The following CHL1 variants were observed in gnomAD, a reference collection of about 807,000 sequenced individuals.
CHL1 encodes neural cell adhesion molecule L1-like protein.
CHL1 carries 96 observed loss-of-function variants against 141.9 expected under a neutral mutation model. The observed-to-expected ratio is 0.68, with a 90% CI of 0.57 to 0.80. The LOEUF is 0.80. CHL1 is among the 30% of genes least tolerant of loss of function. The pLI is 0.00. For synonymous variants in CHL1, 613 were observed against 502.2 expected, an observed-to-expected ratio of 1.22 and a Z score of -2.95; for missense variants, 1,820 against 1,457.2, an observed-to-expected ratio of 1.25 and a Z score of -4.05.
chr3:399,780 C>A (rs183243526), intron 26 of CHL1, among the ~76,000 whole-genome samples: 1 of 152,296 alleles, frequency 6.6e-6, no homozygotes, highest in East Asian at 1.9e-4. Flanking sequence ...TAAGAAGTGA[C>A]CCATGTATAG....
At chr3:322,693 G>T in intron 3 of CHL1, among the ~76,000 whole-genome samples, 1 of 131,958 alleles carries the variant, frequency 7.6e-6, no homozygotes, top group Admixed American at 7.7e-5. Flanking sequence ...TATATAAAAC[G>T]AATAGCTGGG....
Position 355,252 on chromosome 3 carries a change from T to A in CHL1, c.1165+481T>A, listed in dbSNP as rs77063218. Among the ~76,000 whole-genome samples, 1,176 of 152,238 alleles carry A rather than the reference T, an allele frequency of 7.7e-3. 18 individuals are homozygous for A. Among genetic ancestry groups the A allele is most frequent in the African/African-American group, 0.027 (1,135 of 41,556 alleles). On this transcript the variant is annotated intron_variant, in intron 11 of 27. Coordinates refer to ENST00000256509, the MANE Select transcript of CHL1 (RefSeq NM_006614.4). ...CGCTTGTCTCCATGATTTGAAAGCA[T>A]CCTCAGGGAAAAGGAGGCATCCCAA...
intron 1 of CHL1, among the ~76,000 whole-genome samples, chr3:238,439 C>G (rs1361467160): frequency 6.6e-6 from 1 of 151,700 alleles, no homozygotes; most frequent in Non-Finnish European, 1.5e-5. Flanking sequence ...AAAAAATAGC[C>G]AGTTTTGATC....
chr3:256,247 A>T (rs1459074484), intron 2 of CHL1, among the ~76,000 whole-genome samples: 1 of 152,220 alleles, frequency 6.6e-6, no homozygotes, highest in African/African-American at 2.4e-5. Flanking sequence ...GGTAGTCTGT[A>T]TTCTGGCACT....
intron 11 of CHL1, among the ~76,000 whole-genome samples, chr3:358,218 T>C (rs1703889048): frequency 6.6e-6 from 1 of 152,090 alleles, no homozygotes; most frequent in South Asian, 2.1e-4. Context: ...CATTCCTTCG[T>C]TTGCCTTTTC....
chr3:382,677 C>T lies in CHL1; in HGVS notation c.2176+6C>T. On this transcript the variant is annotated splice_donor_region_variant and intron_variant, in intron 18 of 27. Transcript: ENST00000256509. ...TCATGAAACACCACCAGCAGGTATG[C>T]AGGTTCTCACATCAGGTTTCTAACA... 6.2e-7 allele frequency: 1 copy of T among 1,611,120 alleles called. No homozygotes were observed. Among genetic ancestry groups the T allele is most frequent in the Non-Finnish European group, 8.5e-7 (1 of 1,177,556 alleles).
chr3:391,407 T>C (rs1708218527), intron 22 of CHL1, among the ~76,000 whole-genome samples: 1 of 152,222 alleles, frequency 6.6e-6, no homozygotes, highest in African/African-American at 2.4e-5. Flanking sequence ...TCCCAGCTAC[T>C]CGGGAGGCTG....
intron 15 of CHL1, chr3:376,349 T>C: frequency 2.0e-6 from 1 of 500,656 alleles, no homozygotes; most frequent in Non-Finnish European, 3.9e-6. Context: ...TCAAATGCAA[T>C]GGCCCTTGCC....
At chr3:251,525 A>G (rs1693692642) in intron 2 of CHL1, among the ~76,000 whole-genome samples, 1 of 152,126 alleles carries the variant, frequency 6.6e-6, no homozygotes, top group African/African-American at 2.4e-5. Flanking sequence ...ATCTTAGGCA[A>G]ACCATTTTAT....
rs531000093 is a variant in CHL1 at position 313,774 on chromosome 3, T to C, written c.-94-5909T>C. On this transcript the variant is annotated intron_variant, in intron 2 of 27. Transcript: ENST00000256509. ...TTATTGGAATTTAAACAGTCTCCAG[T>C]GGAAACATAATGCAAAGTTGGTGAA... 1.4e-4 allele frequency among the ~76,000 whole-genome samples: 21 copies of C among 152,262 alleles called. 1 individual carries two copies. In the East Asian group the frequency reaches 2.1e-3, roughly 15 times the overall value.
chr3:211,503 C>T (rs1450238105), intron 1 of CHL1, among the ~76,000 whole-genome samples: 1 of 152,160 alleles, frequency 6.6e-6, no homozygotes, highest in Non-Finnish European at 1.5e-5. Context: ...TTTGTGCTCT[C>T]ATTGCTTCTA....
intron 1 of CHL1, among the ~76,000 whole-genome samples, chr3:207,690 T>TGAGTGAATGGATAAA (rs1699560635): frequency 6.6e-6 from 1 of 152,212 alleles, no homozygotes; most frequent in African/African-American, 2.4e-5. Flanking sequence ...AAAGAAGATC[T>TGAGTGAATGGATAAA]GAGTGAATGG....
intron 15 of CHL1, among the ~76,000 whole-genome samples, chr3:370,372 G>A (rs1044711986): frequency 3.3e-5 from 5 of 152,134 alleles, no homozygotes; most frequent in African/African-American, 1.2e-4. Flanking sequence ...AGATTTTCTA[G>A]TTTATTTGCA....
intron 2 of CHL1, among the ~76,000 whole-genome samples, chr3:252,359 C>CAGATAT (rs1553596075): frequency 1.5e-4 from 4 of 26,766 alleles, no homozygotes; most frequent in African/African-American, 2.9e-4. Context: ...AGAAAGCATC[C>CAGATAT]AGATATATAT....
chr3:270,708 G>A (rs1309506458), intron 2 of CHL1, among the ~76,000 whole-genome samples: 1 of 152,212 alleles, frequency 6.6e-6, no homozygotes, highest in Non-Finnish European at 1.5e-5. Flanking sequence ...CTTGCTAAAA[G>A]TTTTAAATGC....
intron 2 of CHL1, among the ~76,000 whole-genome samples, chr3:276,719 CTCT>C (rs1696151495): frequency 6.6e-6 from 1 of 151,720 alleles, no homozygotes; most frequent in Non-Finnish European, 1.5e-5. Context: ...GAAATCCCTT[CTCT>C]ACTAAAAATA....
At position 344,854 on chromosome 3, in the gene CHL1, C is replaced by A. The variant is rs1702633036; in HGVS notation, c.848+145C>A. On this transcript the variant is annotated intron_variant, in intron 9 of 27. Transcript: ENST00000256509. The stretch of plus-strand genomic sequence containing the variant: ...AATTCTGCCGGGCACTGCAGATATT[C>A]TGCTCAGGACTGTTATTCCAGGTAC... 4 of 746,442 alleles carry A rather than the reference C, an allele frequency of 5.4e-6. No individual in the cohort carries two copies. The South Asian group carries it at 9.9e-5, about 19-fold the overall frequency. The allele number at this position is 746,442 out of a possible 1,614,324, so 46.2% of individuals were successfully genotyped here.
intron 1 of CHL1, among the ~76,000 whole-genome samples, chr3:238,447 A>T (rs545802605): frequency 6.6e-6 from 1 of 152,150 alleles, no homozygotes; most frequent in South Asian, 2.1e-4. Flanking sequence ...GCCAGTTTTG[A>T]TCTCAAATGC....
chr3:288,702 G>T (rs1048803420), intron 2 of CHL1, among the ~76,000 whole-genome samples: 3 of 152,190 alleles, frequency 2.0e-5, no homozygotes, highest in South Asian at 2.1e-4. Context: ...GGCGGGATGC[G>T]CTCCATCTTT....
Sources: gnomAD v4.1 joint callset for allele counts (sites outside exome capture counted in the v4.1 genomes callset) on GRCh38, gnomAD v4.1.1 for gene constraint, MANE v1.5 for transcripts, NCBI Gene and HGNC (gene_info 2026-07-23, HGNC 2026-07-21) for gene names.